ATP1B1: variants seen among roughly 807,000 people sequenced by gnomAD.
ATP1B1 encodes ATPase Na+/K+ transporting subunit beta 1, also known as sodium/potassium-transporting ATPase subunit beta-1.
A neutral mutation model predicts 39.6 loss-of-function variants in ATP1B1; 3 were observed. The ratio of observed to expected loss-of-function variants is 0.08; its 90% confidence interval spans 0.03 to 0.20. The LOEUF (loss-of-function observed/expected upper bound fraction) is 0.20. Ranked by LOEUF, ATP1B1 falls within the 10% of genes least tolerant of loss-of-function variation. The pLI, the probability that ATP1B1 is intolerant of heterozygous loss-of-function variation, is 1.00. For synonymous variants in ATP1B1, 139 were observed against 135.0 expected, an observed-to-expected ratio of 1.03 and a Z score of -0.20; for missense variants, 216 against 371.1, an observed-to-expected ratio of 0.58 and a Z score of 3.43.
intron 3 of ATP1B1, among the ~76,000 whole-genome samples, chr1:169,125,964 G>A (rs1352050457): frequency 6.6e-6 from 1 of 152,134 alleles, no homozygotes; most frequent in East Asian, 1.9e-4. Context: ...ACCAGTGTGA[G>A]ACCCTGTCTC....
intron 2 of ATP1B1, among the ~76,000 whole-genome samples, chr1:169,117,421 G>A (rs1657875736): frequency 6.6e-6 from 1 of 152,146 alleles, no homozygotes; most frequent in Non-Finnish European, 1.5e-5. Context: ...GTCATCTCTT[G>A]GGTACACAGG....
intron 2 of ATP1B1, 44 bp from the exon 3 acceptor site, chr1:169,124,840 C>T (rs779198300): frequency 5.7e-6 from 9 of 1,589,118 alleles, no homozygotes; most frequent in South Asian, 4.5e-5. Flanking sequence ...GAATTGTCTT[C>T]GTTTCTGCCT....
chr1:169,109,714 A>C (rs1032956070), intron 1 of ATP1B1, among the ~76,000 whole-genome samples: 1 of 147,400 alleles, frequency 6.8e-6, no homozygotes, highest in Non-Finnish European at 1.5e-5. Context: ...ATGAGTATAG[A>C]GATGTTTCAG....
chr1:169,132,372 C>T lies in ATP1B1; in HGVS notation c.*817C>T, dbSNP rs2101797799. 2 of 461,268 alleles carry T rather than the reference C, an allele frequency of 4.3e-6. No individual in the cohort carries two copies. Among genetic ancestry groups the T allele is most frequent in the South Asian group, 6.1e-5 (1 of 16,512 alleles). The allele number at this position is 461,268 out of a possible 1,614,324, so 28.6% of individuals were successfully genotyped here. On this transcript the variant is annotated 3_prime_UTR_variant, in exon 6 of 6. Coordinates refer to ENST00000367815, the MANE Select transcript of ATP1B1 (RefSeq NM_001677.4). ...AATTTGCTTTATACATTTTCTTTTA[C>T]TTTCCTTTTTTCCTTTCTGGAGGCA...
chr1:169,110,053 T>C (rs1405099530), intron 1 of ATP1B1, among the ~76,000 whole-genome samples: 1 of 152,102 alleles, frequency 6.6e-6, no homozygotes, highest in Non-Finnish European at 1.5e-5. Flanking sequence ...CTTTTTTCCT[T>C]GTTATTTGCT....
intron 4 of ATP1B1, among the ~76,000 whole-genome samples, chr1:169,127,827 C>T (rs188654779): frequency 6.6e-5 from 10 of 151,814 alleles, no homozygotes; most frequent in African/African-American, 2.4e-4. Context: ...AAATTTTAAC[C>T]CACTTGCATG....
At chr1:169,116,086 C>T (rs959467939) in intron 2 of ATP1B1, among the ~76,000 whole-genome samples, 2 of 152,256 alleles carry the variant, frequency 1.3e-5, no homozygotes, top group Admixed American at 6.5e-5. Context: ...CAAGCGTGCA[C>T]ACACACGCAT....
chr1:169,122,387 G>C (rs1344179447), intron 2 of ATP1B1, among the ~76,000 whole-genome samples: 2 of 152,104 alleles, frequency 1.3e-5, no homozygotes, highest in Non-Finnish European at 2.9e-5. Flanking sequence ...CATTTCACTG[G>C]GTAACTCTGT....
intron 2 of ATP1B1, among the ~76,000 whole-genome samples, chr1:169,114,325 A>C (rs980319276): frequency 2.0e-5 from 3 of 152,222 alleles, no homozygotes; most frequent in Non-Finnish European, 4.4e-5. Context: ...TTAGTTAAAG[A>C]GGGAAAATTG....
intron 5 of ATP1B1, 129 bp downstream of exon 5, chr1:169,130,219 A>G: frequency 1.3e-6 from 1 of 786,502 alleles, no homozygotes; most frequent in Non-Finnish European, 2.0e-6. Context: ...TTTCAAGTAT[A>G]AGTCTCAGTG....
chr1:169,127,099 C>T, intron 3 of ATP1B1, 125 bp from the exon 4 acceptor site: 2 of 979,032 alleles, frequency 2.0e-6, no homozygotes, highest in South Asian at 4.4e-5. Flanking sequence ...TAATTCAGAT[C>T]ATGCATTAAA....
chr1:169,125,180 T>G (rs1411582154), intron 3 of ATP1B1, 141 bp downstream of exon 3: 6 of 1,162,314 alleles, frequency 5.2e-6, no homozygotes, highest in Non-Finnish European at 7.2e-6. Context: ...TAGACACTTT[T>G]TTTAAAAAAA....
Position 169,131,871 on chromosome 1 carries a change from T to C in ATP1B1, c.*316T>C, listed in dbSNP as rs1658228955. The C allele has an allele frequency of 5.4e-5, 20 of 372,020 alleles. 1 individual carries two copies. In the South Asian group the frequency reaches 5.7e-4, roughly 11 times the overall value. 23.0% of individuals were successfully genotyped at this position (372,020 alleles called of 1,614,324 possible). A position where few individuals can be genotyped will look rare whatever the true frequency, so the allele number is the denominator to read the frequency against. ...TTTCTGGCCCCTAAGTATTGCTGCC[T>C]TGTGTATTTTATTTAGTGTACAGTA... On this transcript the variant is annotated 3_prime_UTR_variant, in exon 6 of 6. Transcript: ENST00000367815. This position sits in a 1 kb window ranked among gnomAD's most constrained non-coding sequence, Gnocchi z 4.4.
At chr1:169,129,957 G>C in intron 4 of ATP1B1, 53 bp from the exon 5 acceptor site, 2 of 1,571,272 alleles carry the variant, frequency 1.3e-6, no homozygotes. Flanking sequence ...TTATTTTTCA[G>C]AAACTTAAGA....
chr1:169,118,289 G>T (rs1229267364), intron 2 of ATP1B1, among the ~76,000 whole-genome samples: 1 of 152,168 alleles, frequency 6.6e-6, no homozygotes, highest in Non-Finnish European at 1.5e-5. Flanking sequence ...CCTGAGTGTT[G>T]GTAAACATCC....
intron 2 of ATP1B1, among the ~76,000 whole-genome samples, chr1:169,113,465 T>C (rs1657769899): frequency 6.6e-6 from 1 of 152,160 alleles, no homozygotes; most frequent in African/African-American, 2.4e-5. Context: ...AAAATGGTCC[T>C]TGACTATATA....
chr1:169,115,422 C>T (rs1315857341), intron 2 of ATP1B1, among the ~76,000 whole-genome samples: 1 of 149,368 alleles, frequency 6.7e-6, no homozygotes, highest in East Asian at 2.0e-4. Flanking sequence ...GATCTTGGCT[C>T]ACTGCAACCT....
intron 2 of ATP1B1, among the ~76,000 whole-genome samples, chr1:169,123,595 A>ATATT (rs771518509): frequency 7.4e-5 from 11 of 148,756 alleles, no homozygotes; most frequent in South Asian, 2.1e-4. Context: ...CTATATATAT[A>ATATT]TATATTTATA....
chr1:169,130,938 T>C, intron 5 of ATP1B1, among the ~76,000 whole-genome samples: 1 of 151,860 alleles, frequency 6.6e-6, no homozygotes, highest in Non-Finnish European at 1.5e-5. Context: ...GAAGTGGAGA[T>C]TGATTTCTCA....
Sources: gnomAD v4.1 joint callset for allele counts (sites outside exome capture counted in the v4.1 genomes callset) on GRCh38, gnomAD v4.1.1 for gene constraint, Gnocchi (gnomAD v3.1) non-coding constraint, MANE v1.5 for transcripts, NCBI Gene and HGNC (gene_info 2026-07-23, HGNC 2026-07-21) for gene names.